The following GRIK1 variants were observed in gnomAD, a reference collection of about 807,000 sequenced individuals.
GRIK1 encodes the protein glutamate ionotropic receptor kainate type subunit 1, also known as glutamate receptor ionotropic, kainate 1.
In GRIK1, 69 loss-of-function variants were observed where a neutral mutation model predicts 105.7. The observed-to-expected ratio is 0.65, with a 90% confidence interval of 0.54 to 0.80. The LOEUF is 0.80. Ranked by LOEUF, GRIK1 falls within the 30% of genes least tolerant of loss-of-function variation. The pLI, the probability that GRIK1 is intolerant of heterozygous loss-of-function variation, is 0.00. For synonymous variants in GRIK1, 438 were observed against 431.3 expected, an observed-to-expected ratio of 1.02 and a Z score of -0.19; for missense variants, 1,109 against 1,167.3, an observed-to-expected ratio of 0.95 and a Z score of 0.73.
intron 7 of GRIK1, among the ~76,000 whole-genome samples, chr21:29,602,780 G>A (rs2146336265): frequency 6.6e-6 from 1 of 152,356 alleles, no homozygotes; most frequent in East Asian, 1.9e-4. Context: ...TATGAAGCAT[G>A]CTAGTTTGCT....
chr21:29,691,727 T>A (rs1006842236), intron 2 of GRIK1, among the ~76,000 whole-genome samples: 1 of 152,232 alleles, frequency 6.6e-6, no homozygotes, highest in Non-Finnish European at 1.5e-5. Flanking sequence ...AATATCATTC[T>A]ACAAATAAAA....
chr21:29,755,099 A>G (rs1369120227), intron 1 of GRIK1, among the ~76,000 whole-genome samples: 1 of 152,272 alleles, frequency 6.6e-6, no homozygotes, highest in African/African-American at 2.4e-5. Context: ...ATTTGAATAC[A>G]CAAATTCTAT....
At chr21:29,545,896 T>G (rs2832392) in intron 16 of GRIK1, among the ~76,000 whole-genome samples, 95,813 of 152,086 alleles carry the variant, frequency 0.63, 31,349 homozygotes, top group East Asian at 0.76. Context: ...CAACTCAAGG[T>G]AATTAATTCA....
chr21:29,632,936 G>A (rs973313611), intron 7 of GRIK1, among the ~76,000 whole-genome samples: 1 of 152,180 alleles, frequency 6.6e-6, no homozygotes, highest in African/African-American at 2.4e-5. Flanking sequence ...TATTGCTGTG[G>A]TTCAAAGGCT....
chr21:29,930,964 C>A (rs542501160), intron 1 of GRIK1, among the ~76,000 whole-genome samples: 52 of 152,216 alleles, frequency 3.4e-4, no homozygotes, highest in African/African-American at 1.2e-3. Context: ...ACAGAAGAAA[C>A]CTTGACATGG....
At chr21:29,810,081 T>G (rs1202590555) in intron 1 of GRIK1, among the ~76,000 whole-genome samples, 2 of 152,058 alleles carry the variant, frequency 1.3e-5, no homozygotes, top group Non-Finnish European at 2.9e-5. Context: ...GTGGATCACT[T>G]GAGGTCAGGA....
intron 2 of GRIK1, among the ~76,000 whole-genome samples, chr21:29,690,309 G>A (rs2063562473): frequency 6.6e-6 from 1 of 152,164 alleles, no homozygotes. Flanking sequence ...TTACCTGAAA[G>A]CACTCCTAGT....
At chr21:29,701,855 G>A (rs1198070226) in intron 1 of GRIK1, among the ~76,000 whole-genome samples, 3 of 152,278 alleles carry the variant, frequency 2.0e-5, no homozygotes, top group South Asian at 2.1e-4. Flanking sequence ...GAAGGACTTC[G>A]GCAGGATTTG....
intron 4 of GRIK1, among the ~76,000 whole-genome samples, chr21:29,659,875 T>C (rs911510122): frequency 3.3e-5 from 5 of 152,036 alleles, no homozygotes; most frequent in Non-Finnish European, 5.9e-5. Context: ...GGCAGGAGAA[T>C]CACTTGAACC....
rs143377892 is a variant in GRIK1, at chr21:29,626,186, A to T, written c.1098+16640T>A. Among the ~76,000 whole-genome samples, 559 of 152,292 alleles carry T rather than the reference A, an allele frequency of 3.7e-3. 1 individual carries two copies. The highest frequency in any genetic ancestry group is 0.013 in the African/African-American group (528 of 41,546). On this transcript the variant is annotated intron_variant, in intron 7 of 17. Coordinates refer to ENST00000327783, the MANE Select transcript of GRIK1 (RefSeq NM_001330994.2). Reference sequence around the variant, plus strand: ...GCATCTGGTGAGGGCCTTTTTGCTAAGTCATCTCATGGTGGAACGTGGAAG... The same window carrying T: ...GCATCTGGTGAGGGCCTTTTTGCTATGTCATCTCATGGTGGAACGTGGAAG...
chr21:29,569,910 A>G (rs2090700855), intron 14 of GRIK1, among the ~76,000 whole-genome samples: 1 of 152,184 alleles, frequency 6.6e-6, no homozygotes, highest in Non-Finnish European at 1.5e-5. Context: ...CATTGTTGTC[A>G]TCTTGTCAGT....
In GRIK1 at chr21:29,656,127, A is replaced by T. The variant is rs192272271; in HGVS notation, c.727-1264T>A. 3.5e-3 allele frequency among the ~76,000 whole-genome samples: 523 copies of T among 151,502 alleles called. 3 individuals are homozygous for T. The highest frequency in any genetic ancestry group is 0.012 in the African/African-American group (503 of 41,304). On this transcript the variant is annotated intron_variant, in intron 4 of 17. Coordinates refer to ENST00000327783, the MANE Select transcript of GRIK1 (RefSeq NM_001330994.2). ...GCCTGTAATCCAGCACTTTGGGAGG[A>T]TGAGGCGGGCGGATCATGAGGTCAG...
rs1052580561 is a variant in GRIK1 at position 29,559,979 on chromosome 21, T to C, written c.2356+1645A>G. Among the ~76,000 whole-genome samples the C allele has an allele frequency of 2.6e-5, 4 of 152,322 alleles. No individual in the cohort carries two copies. In the South Asian group the frequency reaches 6.2e-4, roughly 24 times the overall value. ...CTACTACCTCCTGGCACAAGCATGC[T>C]TTGCTCACTTATGGTATCTGCTTGG... On this transcript the variant is annotated intron_variant, in intron 15 of 17. Transcript: ENST00000327783.
chr21:29,550,441 A>G (rs113369321), intron 16 of GRIK1, among the ~76,000 whole-genome samples: 129 of 152,338 alleles, frequency 8.5e-4, no homozygotes, highest in African/African-American at 2.9e-3. Flanking sequence ...AATTATGTAC[A>G]TAAGTTTGTG....
rs768882503 is a variant in GRIK1 at position 29,642,867 on chromosome 21, G to T, written c.1057C>A (p.Pro353Thr). 1 of 1,614,082 alleles carries T rather than the reference G, an allele frequency of 6.2e-7. No homozygotes were observed. The highest frequency in any genetic ancestry group is 1.3e-5 in the African/African-American group (1 of 75,048). The change falls in exon 7 of 18, where the codon CCA becomes ACA. Residue 353 changes from proline to threonine, a missense_variant. Around this residue, in one of 5 missense-constraint regions of GRIK1, gnomAD observed 612 missense variants for 586.0 expected, o/e 1.04. Transcript: ENST00000327783. ...ATAAATCTGGGTCCGAGGCGCCATG[G>T]CTTATGTCTATGGCACTGCAGGGAG... ...VSSLQCHRHK[P>T]WRLGPRFMNL...
chr21:29,575,504 C>T (rs993428829), intron 14 of GRIK1, among the ~76,000 whole-genome samples: 1 of 151,692 alleles, frequency 6.6e-6, no homozygotes, highest in Non-Finnish European at 1.5e-5. Flanking sequence ...ATTTTGAACT[C>T]AATGGAAATA....
intron 1 of GRIK1, among the ~76,000 whole-genome samples, chr21:29,696,543 A>G (rs1369271883): frequency 6.6e-6 from 1 of 152,254 alleles, no homozygotes. Flanking sequence ...CTTGGTCACC[A>G]GAAGGTGGAC....
intron 3 of GRIK1, among the ~76,000 whole-genome samples, chr21:29,681,496 A>G (rs542963955): frequency 2.6e-5 from 4 of 152,318 alleles, no homozygotes; most frequent in Admixed American, 1.3e-4. Flanking sequence ...CTGTCTGACT[A>G]GAACCGCCTT....
intron 1 of GRIK1, among the ~76,000 whole-genome samples, chr21:29,826,990 C>T (rs1034573273): frequency 2.0e-5 from 3 of 152,058 alleles, no homozygotes; most frequent in African/African-American, 7.2e-5. Context: ...TTCAAAAACA[C>T]ATTAAGTAGT....
Sources: gnomAD v4.1 joint callset for allele counts (sites outside exome capture counted in the v4.1 genomes callset) on GRCh38, gnomAD v4.1.1 for gene constraint, gnomAD v4.1.1 regional missense constraint, MANE v1.5 for transcripts, NCBI Gene and HGNC (gene_info 2026-07-23, HGNC 2026-07-21) for gene names.